Variants in RASGEF1C observed in about 807,000 individuals in gnomAD.
RASGEF1C encodes ras-GEF domain-containing family member 1C.
In RASGEF1C, 27 loss-of-function variants were observed where a neutral mutation model predicts 58.1. That is an observed-to-expected ratio of 0.46 (90% CI 0.34 to 0.64). The LOEUF is 0.64. RASGEF1C is among the 30% of genes least tolerant of loss of function. The pLI, the probability that RASGEF1C is intolerant of heterozygous loss-of-function variation, is 0.01. For synonymous variants in RASGEF1C, 243 were observed against 246.3 expected (o/e 0.99, Z 0.13); for missense variants, 502 against 605.1 (o/e 0.83, Z 1.79).
At chr5:180,173,785 C>CAT (rs1554114620) in intron 1 of RASGEF1C, among the ~76,000 whole-genome samples, 30 of 152,056 alleles carry the variant, frequency 2.0e-4, no homozygotes, top group East Asian at 5.8e-4. Flanking sequence ...TGGTGGTGGG[C>CAT]GCCTGTAATC....
At chr5:180,192,837 T>G (rs1179365709) in intron 1 of RASGEF1C, among the ~76,000 whole-genome samples, 2 of 138,266 alleles carry the variant, frequency 1.4e-5, no homozygotes, top group African/African-American at 5.4e-5. Flanking sequence ...CTCCGCCTCC[T>G]GGGTTCACGC....
intron 1 of RASGEF1C, among the ~76,000 whole-genome samples, chr5:180,181,694 CCT>C (rs1767330671): frequency 6.6e-6 from 1 of 152,282 alleles, no homozygotes; most frequent in African/African-American, 2.4e-5. Flanking sequence ...CCCATGAGCC[CCT>C]GATCCAGAAC....
intron 1 of RASGEF1C, among the ~76,000 whole-genome samples, chr5:180,171,354 T>C (rs1344551294): frequency 6.6e-6 from 1 of 151,974 alleles, no homozygotes; most frequent in Non-Finnish European, 1.5e-5. Flanking sequence ...TGTTCAGACC[T>C]GAAGACTGGT....
At chr5:180,141,219 GCAGGGCTGCCT>G (rs1180427677) in intron 1 of RASGEF1C, among the ~76,000 whole-genome samples, 1 of 152,178 alleles carries the variant, frequency 6.6e-6, no homozygotes, top group Non-Finnish European at 1.5e-5. Context: ...CCATGGCAGG[GCAGGGCTGCCT>G]CATTCATTTT....
intron 1 of RASGEF1C, among the ~76,000 whole-genome samples, chr5:180,162,772 GA>G (rs1766961949): frequency 6.6e-6 from 1 of 152,138 alleles, no homozygotes; most frequent in Non-Finnish European, 1.5e-5. Flanking sequence ...ATCCTGCTGG[GA>G]TTTTTATGGG....
At chr5:180,182,278 G>T (rs1384916272) in intron 1 of RASGEF1C, among the ~76,000 whole-genome samples, 2 of 149,836 alleles carry the variant, frequency 1.3e-5, no homozygotes, top group Non-Finnish European at 3.0e-5. Context: ...AGCTCTTAAA[G>T]GTGGTGTGTC....
In RASGEF1C at chr5:180,120,943, G is replaced by A. The variant is rs1766158655; in HGVS notation, c.804+117C>T. 8.4e-6 allele frequency: 6 copies of A among 716,792 alleles called. No individual in the cohort carries two copies. The South Asian group carries it at 9.5e-5, about 11-fold the overall frequency. The allele number at this position is 716,792 out of a possible 1,614,324, so 44.4% of individuals were successfully genotyped here. A position where few individuals can be genotyped will look rare whatever the true frequency, so the allele number is the denominator to read the frequency against. On this transcript the variant is annotated intron_variant, in intron 7 of 13. Transcript: ENST00000361132. Reference sequence around the variant, plus strand: ...CTGGAGGGGTGCCCAGCCTGGCCTTGGACTTAGAAATGAATAAGACTCAAG... The same window carrying A: ...CTGGAGGGGTGCCCAGCCTGGCCTTAGACTTAGAAATGAATAAGACTCAAG...
At chr5:180,174,610 GTGTGTGTC>G (rs1259235578) in intron 1 of RASGEF1C, among the ~76,000 whole-genome samples, 6 of 8,794 alleles carry the variant, frequency 6.8e-4, no homozygotes, top group Admixed American at 1.8e-3. Context: ...GTGCACGCAT[GTGTGTGTC>G]TGTGTGTGTG....
chr5:180,118,559 AC>A (rs776576455), intron 10 of RASGEF1C, 49 bp downstream of exon 10: 1 of 1,488,876 alleles, frequency 6.7e-7, no homozygotes, highest in South Asian at 1.3e-5. Flanking sequence ...CTGAGCCAGC[AC>A]CCAGGTTCCC....
intron 1 of RASGEF1C, among the ~76,000 whole-genome samples, chr5:180,208,206 G>C (rs980440046): frequency 6.6e-6 from 1 of 152,062 alleles, no homozygotes; most frequent in Non-Finnish European, 1.5e-5. Flanking sequence ...CCACCTGCCT[G>C]GCAGGCAGAG....
chr5:180,124,135 G>A (rs962190165), intron 6 of RASGEF1C, among the ~76,000 whole-genome samples: 18 of 152,056 alleles, frequency 1.2e-4, no homozygotes, highest in Admixed American at 5.9e-4. Flanking sequence ...GGGAGGCTGA[G>A]GCAGGAGAAT....
At chr5:180,130,854 C>T (rs1338737327) in intron 4 of RASGEF1C, among the ~76,000 whole-genome samples, 1 of 152,154 alleles carries the variant, frequency 6.6e-6, no homozygotes, top group South Asian at 2.1e-4. Context: ...GTCATATGGC[C>T]CATGGTCCTC....
intron 1 of RASGEF1C, among the ~76,000 whole-genome samples, chr5:180,163,912 C>T (rs568113022): frequency 5.3e-5 from 8 of 152,242 alleles, no homozygotes; most frequent in Admixed American, 2.0e-4. Flanking sequence ...AGGTCTTTAA[C>T]GGTTATAGGA....
At chr5:180,103,392 T>C (rs1226506053) in intron 12 of RASGEF1C, among the ~76,000 whole-genome samples, 1 of 152,220 alleles carries the variant, frequency 6.6e-6, no homozygotes, top group African/African-American at 2.4e-5. Context: ...GCATTAACTT[T>C]TAGCGTACAC....
intron 1 of RASGEF1C, among the ~76,000 whole-genome samples, chr5:180,186,246 T>A (rs1756037894): frequency 6.6e-6 from 1 of 152,116 alleles, no homozygotes; most frequent in South Asian, 2.1e-4. Flanking sequence ...AAATGATCTC[T>A]ATTCACAGGT....
In RASGEF1C at chr5:180,122,740, T is replaced by TAA. The variant is rs35004526; in HGVS notation, c.715-1593_715-1592dup. ...TGGGAAACAAGAGCGAAACTTCATCTAAAAAAAAAAAAAAAAACTAAAACA... is the reference window on the plus strand; with the variant it reads ...TGGGAAACAAGAGCGAAACTTCATCTAAAAAAAAAAAAAAAAAAACTAAAACA... On this transcript the variant is annotated intron_variant, in intron 6 of 13. Transcript: ENST00000361132. Among the ~76,000 whole-genome samples the TAA allele has an allele frequency of 4.7e-3, 546 of 115,864 alleles. 4 individuals are homozygous for TAA. The highest frequency in any genetic ancestry group is 0.021 in the Middle Eastern group (4 of 190). The allele number at this position is 115,864 out of a possible 152,430, so 76.0% of individuals were successfully genotyped here.
intron 1 of RASGEF1C, among the ~76,000 whole-genome samples, chr5:180,207,046 C>G (rs894097831): frequency 6.6e-6 from 1 of 152,050 alleles, no homozygotes; most frequent in African/African-American, 2.4e-5. Flanking sequence ...AAAATTACAT[C>G]CTAAAGTCTA....
rs1048528555 is a variant in RASGEF1C, at chr5:180,137,445, G to C, written c.300+145C>G. 2 of 1,116,468 alleles carry C rather than the reference G, an allele frequency of 1.8e-6. No individual in the cohort carries two copies. The allele number at this position is 1,116,468 out of a possible 1,614,324, so 69.2% of individuals were successfully genotyped here. On this transcript the variant is annotated intron_variant, in intron 3 of 13. Coordinates refer to ENST00000361132, the MANE Select transcript of RASGEF1C (RefSeq NM_175062.4). The surrounding 1 kb of genome is among the most constrained non-coding windows in gnomAD (Gnocchi z 4.1). The stretch of plus-strand genomic sequence containing the variant: ...CCTGTTCTGCTCCTTCTGGCTCTGG[G>C]CCTCAGACAAGGTGGAAACACCCGG...
intron 1 of RASGEF1C, among the ~76,000 whole-genome samples, chr5:180,152,925 A>G (rs1581110091): frequency 6.6e-6 from 1 of 151,718 alleles, no homozygotes; most frequent in African/African-American, 2.4e-5. Context: ...AAAAAAAAAA[A>G]AAAAAAAAAG....
Sources: allele counts gnomAD v4.1 joint callset (sites outside exome capture counted in the v4.1 genomes callset), GRCh38; gene constraint gnomAD v4.1.1; non-coding constraint Gnocchi (gnomAD v3.1); transcripts MANE v1.5; gene names NCBI Gene and HGNC (gene_info 2026-07-23, HGNC 2026-07-21).